Variants in ITGBL1 observed in about 807,000 individuals in gnomAD.
ITGBL1 encodes the protein integrin subunit beta like 1.
ITGBL1 carries 51 observed loss-of-function variants against 68.5 expected under a neutral mutation model. The ratio of observed to expected loss-of-function variants is 0.74; its 90% CI spans 0.59 to 0.94. The LOEUF (loss-of-function observed/expected upper bound fraction) is 0.94, where lower values mean the gene tolerates loss of function less well. Among genes scored for constraint, ITGBL1 ranks in the 40% least tolerant of loss-of-function variants. The pLI is 0.00. For missense variants in ITGBL1, 649 were observed against 647.4 expected, an observed-to-expected ratio of 1.00 and a Z score of -0.03; for synonymous variants, 209 against 227.3, an observed-to-expected ratio of 0.92 and a Z score of 0.72.
chr13:101,640,134 G>T (rs1055428088), intron 7 of ITGBL1, among the ~76,000 whole-genome samples: 2 of 152,048 alleles, frequency 1.3e-5, no homozygotes, highest in Non-Finnish European at 2.9e-5. Flanking sequence ...AGAAAGACAA[G>T]AAGTCCATGA....
chr13:101,655,830 T>C (rs889843285), intron 7 of ITGBL1, among the ~76,000 whole-genome samples: 7 of 152,206 alleles, frequency 4.6e-5, no homozygotes, highest in African/African-American at 1.4e-4. Flanking sequence ...AAAGCCTTAA[T>C]ATTGTTGACG....
chr13:101,540,024 C>T (rs2049662703), intron 2 of ITGBL1, among the ~76,000 whole-genome samples: 1 of 152,012 alleles, frequency 6.6e-6, no homozygotes, highest in Non-Finnish European at 1.5e-5. Context: ...CTGATGGTGG[C>T]TTATTTTGCT....
chr13:101,549,018 T>A (rs1402205277), intron 2 of ITGBL1, among the ~76,000 whole-genome samples: 3 of 151,896 alleles, frequency 2.0e-5, no homozygotes, highest in Non-Finnish European at 3.0e-5. Flanking sequence ...CATTTAAAAG[T>A]CTGGCAGTCA....
chr13:101,691,777 G>A (rs573243624), intron 7 of ITGBL1, among the ~76,000 whole-genome samples: 79 of 152,274 alleles, frequency 5.2e-4, no homozygotes, highest in African/African-American at 1.8e-3. Flanking sequence ...TTCCTAGCTG[G>A]TTCACCATTG....
intron 7 of ITGBL1, among the ~76,000 whole-genome samples, chr13:101,657,471 C>A (rs149378972): frequency 6.6e-6 from 1 of 152,070 alleles, no homozygotes; most frequent in South Asian, 2.1e-4. Flanking sequence ...CTTTAAAACT[C>A]CTTTGATACA....
intron 7 of ITGBL1, among the ~76,000 whole-genome samples, chr13:101,635,523 G>C (rs1028840542): frequency 6.6e-6 from 1 of 152,020 alleles, no homozygotes; most frequent in Admixed American, 6.6e-5. Context: ...ATTAAAGGAA[G>C]TACAATTGTA....
chr13:101,612,570 TA>T (rs11369253), intron 7 of ITGBL1, among the ~76,000 whole-genome samples: 1 of 149,496 alleles, frequency 6.7e-6, no homozygotes, highest in East Asian at 2.0e-4. Flanking sequence ...AATGTAATTA[TA>T]AAAAAAAAGG....
At chr13:101,624,310 A>C (rs756813093) in intron 7 of ITGBL1, among the ~76,000 whole-genome samples, 1 of 152,190 alleles carries the variant, frequency 6.6e-6, no homozygotes, top group Non-Finnish European at 1.5e-5. Context: ...TACTTCCTGA[A>C]TCACAGCTCC....
At position 101,532,025 on chromosome 13, in the gene ITGBL1, C is replaced by T. The variant is rs146275533; in HGVS notation, c.317-35674C>T. 5.1e-3 allele frequency among the ~76,000 whole-genome samples: 769 copies of T among 152,072 alleles called. 5 individuals are homozygous for T. The highest frequency in any genetic ancestry group is 0.021 in the South Asian group (99 of 4,810). ...CTGGGATTACAGGTGTGAGCCACCG[C>T]GCCCGGCCAGTTTTATACTTTTTAA... is the stretch of plus-strand genomic sequence containing the variant. On this transcript the variant is annotated intron_variant, in intron 2 of 10. Coordinates refer to ENST00000376180, the MANE Select transcript of ITGBL1 (RefSeq NM_004791.3).
At chr13:101,631,665 G>C (rs924625718) in intron 7 of ITGBL1, among the ~76,000 whole-genome samples, 2 of 152,092 alleles carry the variant, frequency 1.3e-5, no homozygotes, top group Non-Finnish European at 2.9e-5. Context: ...GTGTGAGAGA[G>C]GTTATTGTAA....
Position 101,579,385 on chromosome 13 carries a change from C to T in ITGBL1, c.685C>T (p.Arg229Ter), listed in dbSNP as rs768886776. ...CGATATCACCCCCTGGGAAAGCAAGCGAAGATGCACGTCTCCAGATGGCAA... is the reference window on the plus strand; with the variant it reads ...CGATATCACCCCCTGGGAAAGCAAGTGAAGATGCACGTCTCCAGATGGCAA... ...QCDITPWESKRRCTSPDGKIC... is the reference protein window; with the variant it reads ...QCDITPWESK The change falls in exon 5 of 11, where the codon CGA becomes TGA. Residue 229 changes from arginine (R) to a stop codon, truncating the protein, a stop_gained. Transcript: ENST00000376180. LOFTEE classifies it high-confidence loss of function. The T allele has an allele frequency of 1.9e-6, 3 of 1,613,744 alleles. No individual in the cohort carries two copies. The highest frequency in any genetic ancestry group is 2.2e-5 in the East Asian group (1 of 44,826).
intron 9 of ITGBL1, among the ~76,000 whole-genome samples, chr13:101,709,382 A>AAAG (rs2034352753): frequency 6.8e-6 from 1 of 147,908 alleles, no homozygotes; most frequent in South Asian, 2.2e-4. Context: ...AAAAAAAAAA[A>AAAG]AAAAAAAAAA....
At chr13:101,571,784 G>A (rs770413681) in intron 3 of ITGBL1, among the ~76,000 whole-genome samples, 51 of 151,912 alleles carry the variant, frequency 3.4e-4, no homozygotes, top group South Asian at 8.3e-4. Context: ...CTGCTTTTAC[G>A]ACTCAACATA....
chr13:101,541,740 A>G (rs2139187635), intron 2 of ITGBL1, among the ~76,000 whole-genome samples: 1 of 152,170 alleles, frequency 6.6e-6, no homozygotes, highest in Middle Eastern at 3.4e-3. Context: ...AGAGCCTATT[A>G]TTGGTCTCTT....
intron 2 of ITGBL1, among the ~76,000 whole-genome samples, chr13:101,542,361 C>T (rs376204981): frequency 1.2e-4 from 18 of 152,198 alleles, no homozygotes; most frequent in East Asian, 3.9e-4. Flanking sequence ...TGTAGTTGAG[C>T]GGTTTTGAGT....
Position 101,704,222 on chromosome 13 carries a change from C to T in ITGBL1, c.1133-2534C>T, listed in dbSNP as rs375313834. On this transcript the variant is annotated intron_variant, in intron 8 of 10. Coordinates refer to ENST00000376180, the MANE Select transcript of ITGBL1 (RefSeq NM_004791.3). The stretch of plus-strand genomic sequence containing the variant: ...CTGTGTCTGGGTGCATTTGTTCATC[C>T]GTTGTTCCACCAGGGTCTATGGGTC... 3.9e-4 allele frequency among the ~76,000 whole-genome samples: 60 copies of T among 152,158 alleles called. No homozygotes were observed. The East Asian group carries it at 9.8e-3, about 25-fold the overall frequency.
intron 2 of ITGBL1, among the ~76,000 whole-genome samples, chr13:101,561,311 G>A: frequency 6.6e-6 from 1 of 152,098 alleles, no homozygotes; most frequent in East Asian, 1.9e-4. Context: ...ACTCAAGGAA[G>A]AGAGGAGCAG....
chr13:101,673,370 G>A (rs2033423750), intron 7 of ITGBL1, among the ~76,000 whole-genome samples: 1 of 152,228 alleles, frequency 6.6e-6, no homozygotes, highest in African/African-American at 2.4e-5. Flanking sequence ...TAGTACAACT[G>A]TTGCTCATTC....
intron 2 of ITGBL1, among the ~76,000 whole-genome samples, chr13:101,506,719 A>G (rs995654107): frequency 1.3e-5 from 2 of 152,216 alleles, no homozygotes; most frequent in Non-Finnish European, 2.9e-5. Context: ...AATTCCTTCT[A>G]TTATTTCCTG....
Sources: allele counts gnomAD v4.1 joint callset (sites outside exome capture counted in the v4.1 genomes callset), GRCh38; gene constraint gnomAD v4.1.1; transcripts MANE v1.5; gene names NCBI Gene and HGNC (gene_info 2026-07-23, HGNC 2026-07-21).